Variants in CPA6 observed in about 807,000 individuals in gnomAD.
CPA6 encodes the protein carboxypeptidase B.
Under a neutral mutation model 63.3 loss-of-function variants are expected in CPA6, and 58 were observed. The observed-to-expected ratio is 0.92, with a 90% CI of 0.74 to 1.14. The LOEUF is 1.14. Among genes scored for constraint, CPA6 ranks in the 50% most tolerant of loss-of-function variants. CPA6 has a pLI of 0.00. For missense variants in CPA6, 565 were observed against 526.6 expected (o/e 1.07, Z -0.71); for synonymous variants, 185 against 179.0 (o/e 1.03, Z -0.27).
chr8:67,681,032 T>C (rs1480411527), intron 1 of CPA6, among the ~76,000 whole-genome samples: 2 of 152,000 alleles, frequency 1.3e-5, no homozygotes, highest in African/African-American at 4.8e-5. Flanking sequence ...ATCATAAATA[T>C]ATTCTCTTCA....
chr8:67,556,840 T>A (rs1313504567), intron 2 of CPA6, among the ~76,000 whole-genome samples: 1 of 152,224 alleles, frequency 6.6e-6, no homozygotes, highest in Non-Finnish European at 1.5e-5. Context: ...ATAGGCTTTT[T>A]ATCTAGGAAT....
intron 2 of CPA6, among the ~76,000 whole-genome samples, chr8:67,599,785 T>C (rs2128982983): frequency 6.6e-6 from 1 of 152,336 alleles, no homozygotes; most frequent in East Asian, 1.9e-4. Context: ...GCCATGATGA[T>C]ACTTTGGAGG....
chr8:67,469,086 G>A (rs913610345), intron 8 of CPA6, among the ~76,000 whole-genome samples: 2 of 152,156 alleles, frequency 1.3e-5, no homozygotes, highest in Non-Finnish European at 1.5e-5. Flanking sequence ...ATACATGTGT[G>A]CGTATTTATA....
chr8:67,721,489 G>T (rs1563408084), intron 1 of CPA6, among the ~76,000 whole-genome samples: 1 of 152,152 alleles, frequency 6.6e-6, no homozygotes, highest in Admixed American at 6.5e-5. Context: ...CTTTTGCAAA[G>T]ATTTTGATGT....
At chr8:67,433,647 C>T (rs1235563183) in intron 9 of CPA6, among the ~76,000 whole-genome samples, 1 of 152,190 alleles carries the variant, frequency 6.6e-6, no homozygotes, top group Non-Finnish European at 1.5e-5. Flanking sequence ...AACTATGATA[C>T]TAATCAAATC....
At position 67,630,022 on chromosome 8, in the gene CPA6, G is replaced by A. The variant is rs1033847931; in HGVS notation, c.117-5771C>T. On this transcript the variant is annotated intron_variant, in intron 1 of 10. Coordinates refer to ENST00000297770, the MANE Select transcript of CPA6 (RefSeq NM_020361.5). Reference sequence around the variant, plus strand: ...CGGGAGGCTGAGGCAGGAGAATGGCGTGAACCTGGGAGGCGGAACTTGTAG... The same window carrying A: ...CGGGAGGCTGAGGCAGGAGAATGGCATGAACCTGGGAGGCGGAACTTGTAG... Among the ~76,000 whole-genome samples the A allele has an allele frequency of 1.5e-4, 23 of 151,734 alleles. 2 individuals carry two copies. Among genetic ancestry groups the A allele is most frequent in the Admixed American group, 1.2e-3 (19 of 15,222 alleles).
intron 2 of CPA6, among the ~76,000 whole-genome samples, chr8:67,580,663 C>G (rs1367446443): frequency 6.6e-6 from 1 of 152,130 alleles, no homozygotes; most frequent in Non-Finnish European, 1.5e-5. Context: ...CGTCTATTGA[C>G]TGTTATGTCC....
At position 67,715,685 on chromosome 8, in the gene CPA6, A is replaced by G. The variant is rs919583983; in HGVS notation, c.116+30329T>C. 2.6e-5 allele frequency among the ~76,000 whole-genome samples: 4 copies of G among 152,266 alleles called. No homozygotes were observed. The South Asian group carries it at 8.3e-4, about 31-fold the overall frequency. ...AAATGGTCGTAACATAATAGTGACT[A>G]TAGTTCTTTAATAAATTTATAGACT... is the stretch of plus-strand genomic sequence containing the variant. On this transcript the variant is annotated intron_variant, in intron 1 of 10. Transcript: ENST00000297770.
At chr8:67,672,959 G>A (rs538001846) in intron 1 of CPA6, among the ~76,000 whole-genome samples, 171 of 151,912 alleles carry the variant, frequency 1.1e-3, no homozygotes, top group African/African-American at 4.0e-3. Flanking sequence ...CAAAACTTAC[G>A]GATGATAGAA....
intron 10 of CPA6, among the ~76,000 whole-genome samples, chr8:67,426,215 C>T (rs1353644255): frequency 1.3e-5 from 2 of 152,196 alleles, no homozygotes. Flanking sequence ...ATGATCCACC[C>T]GCTTTGGCCT....
chr8:67,498,690 T>A (rs1014421245), intron 6 of CPA6, among the ~76,000 whole-genome samples: 1 of 152,128 alleles, frequency 6.6e-6, no homozygotes, highest in Admixed American at 6.6e-5. Context: ...CCCCTCAAAG[T>A]CCCATGGCAC....
chr8:67,536,089 AC>A (rs1812578747), intron 2 of CPA6, among the ~76,000 whole-genome samples: 12 of 148,684 alleles, frequency 8.1e-5, no homozygotes, highest in Admixed American at 2.7e-4. Context: ...CCAGTACCAT[AC>A]TACTGTAGCC....
intron 6 of CPA6, among the ~76,000 whole-genome samples, chr8:67,487,429 T>C (rs1261958810): frequency 3.9e-5 from 6 of 152,206 alleles, no homozygotes; most frequent in Non-Finnish European, 8.8e-5. Context: ...ATATGTGCCA[T>C]GTTTTCTTAA....
At chr8:67,529,813 C>T (rs1244368613) in intron 2 of CPA6, among the ~76,000 whole-genome samples, 1 of 152,058 alleles carries the variant, frequency 6.6e-6, no homozygotes, top group Non-Finnish European at 1.5e-5. Flanking sequence ...TCCAATCATA[C>T]CCCAAGAAGT....
rs530688856 is a variant in CPA6 at position 67,651,675 on chromosome 8, C to T, written c.117-27424G>A. Among the ~76,000 whole-genome samples the T allele has an allele frequency of 7.2e-5, 11 of 152,040 alleles. No homozygotes were observed. The South Asian group carries it at 8.3e-4, about 11-fold the overall frequency. The stretch of plus-strand genomic sequence containing the variant: ...ATTCAAGGAACATTTTCCTGTAAAA[C>T]GACATGTTGAGAGAAGCAGCCATAA... On this transcript the variant is annotated intron_variant, in intron 1 of 10. Transcript: ENST00000297770.
chr8:67,574,932 T>G (rs2128977145), intron 2 of CPA6, among the ~76,000 whole-genome samples: 1 of 151,596 alleles, frequency 6.6e-6, no homozygotes, highest in Non-Finnish European at 1.5e-5. Flanking sequence ...AAGAAAACAA[T>G]TAAGAGAGGG....
chr8:67,667,498 TAA>T (rs1432962247), intron 1 of CPA6, among the ~76,000 whole-genome samples: 2 of 151,946 alleles, frequency 1.3e-5, no homozygotes, highest in African/African-American at 4.8e-5. Context: ...ACTTCCCCGC[TAA>T]AAGTTAGAGA....
chr8:67,614,683 T>A (rs187170761), intron 2 of CPA6, among the ~76,000 whole-genome samples: 41 of 152,328 alleles, frequency 2.7e-4, no homozygotes, highest in African/African-American at 7.9e-4. Context: ...CATGTTCATG[T>A]ACTATGCCTG....
chr8:67,479,242 CTG>C (rs1026611525), intron 8 of CPA6, among the ~76,000 whole-genome samples: 1 of 152,188 alleles, frequency 6.6e-6, no homozygotes, highest in Non-Finnish European at 1.5e-5. Flanking sequence ...CAGGTAGAGA[CTG>C]AGGTTTGTCA....
Sources: allele counts gnomAD v4.1 joint callset (sites outside exome capture counted in the v4.1 genomes callset), GRCh38; gene constraint gnomAD v4.1.1; transcripts MANE v1.5; gene names NCBI Gene and HGNC (gene_info 2026-07-23, HGNC 2026-07-21).